Variants in LRRK2 observed in about 807,000 individuals in gnomAD.
LRRK2 encodes leucine-rich repeat serine/threonine-protein kinase 2.
In LRRK2, 203 loss-of-function variants were observed where a neutral mutation model predicts 302.6. The ratio of observed to expected loss-of-function variants is 0.67; its 90% CI spans 0.60 to 0.75. The LOEUF is 0.75. Among genes scored for constraint, LRRK2 ranks in the 30% least tolerant of loss-of-function variants. The probability of loss-of-function intolerance (pLI) is 0.00; values close to 1 mark genes in which losing one functional copy is unlikely to be tolerated. For missense variants in LRRK2, 2,830 were observed against 2,951.0 expected (o/e 0.96, Z 0.95); for synonymous variants, 1,066 against 1,031.9 (o/e 1.03, Z -0.63).
chr12:40,291,238 T>C (rs908542980), intron 20 of LRRK2, among the ~76,000 whole-genome samples: 1 of 151,020 alleles, frequency 6.6e-6, no homozygotes, highest in Non-Finnish European at 1.5e-5. Flanking sequence ...ATGAGAACAC[T>C]TGGACACAGG....
intron 10 of LRRK2, among the ~76,000 whole-genome samples, chr12:40,252,300 A>T (rs1256463819): frequency 3.3e-5 from 5 of 152,182 alleles, no homozygotes; most frequent in African/African-American, 1.2e-4. Flanking sequence ...TCTATTGCTG[A>T]TAAGAAGGGA....
chr12:40,289,731 T>G (rs756468283), intron 20 of LRRK2, among the ~76,000 whole-genome samples: 36 of 151,724 alleles, frequency 2.4e-4, no homozygotes, highest in Admixed American at 1.1e-3. Context: ...TAATTTCCAG[T>G]AGTTCACTGT....
At chr12:40,247,147 C>A (rs1430519439) in intron 7 of LRRK2, among the ~76,000 whole-genome samples, 1 of 152,038 alleles carries the variant, frequency 6.6e-6, no homozygotes, top group East Asian at 1.9e-4. Context: ...TCCATTGTAG[C>A]AACTTGTATT....
At chr12:40,249,732 C>A (rs768915971) in intron 7 of LRRK2, 94 bp from the exon 8 acceptor site, 9 of 1,358,886 alleles carry the variant, frequency 6.6e-6, no homozygotes, top group Non-Finnish European at 9.4e-6. Flanking sequence ...ATATTCATCA[C>A]CATTCAAAAT....
intron 2 of LRRK2, 94 bp downstream of exon 2, chr12:40,225,734 A>T (rs1400357880): frequency 8.6e-7 from 1 of 1,165,842 alleles, no homozygotes; most frequent in Non-Finnish European, 1.3e-6. Context: ...GTTCTTGGTT[A>T]TTCCCAAAAT....
intron 11 of LRRK2, among the ~76,000 whole-genome samples, chr12:40,254,264 G>GA (rs1197524391): frequency 6.6e-6 from 1 of 151,738 alleles, no homozygotes; most frequent in Non-Finnish European, 1.5e-5. Context: ...GGGTAGGGTG[G>GA]AAAAAAAATA....
intron 25 of LRRK2, among the ~76,000 whole-genome samples, chr12:40,299,729 G>C (rs761125891): frequency 1.3e-5 from 2 of 152,114 alleles, no homozygotes; most frequent in African/African-American, 2.4e-5. Flanking sequence ...GTAAACTATG[G>C]ACTTTGAGTG....
At chr12:40,278,462 T>G (rs757564599) in intron 18 of LRRK2, among the ~76,000 whole-genome samples, 1 of 152,234 alleles carries the variant, frequency 6.6e-6, no homozygotes, top group African/African-American at 2.4e-5. Flanking sequence ...CAGTCTAATC[T>G]TTCATTTCAT....
chr12:40,274,778 G>T (rs1275067477), intron 15 of LRRK2, 51 bp downstream of exon 15: 3 of 1,611,126 alleles, frequency 1.9e-6, no homozygotes, highest in Non-Finnish European at 2.5e-6. Flanking sequence ...TAGGGCATTA[G>T]CTGGTGACTG....
At chr12:40,258,108 A>G (rs1183443585) in intron 12 of LRRK2, among the ~76,000 whole-genome samples, 1 of 152,154 alleles carries the variant, frequency 6.6e-6, no homozygotes, top group Non-Finnish European at 1.5e-5. Flanking sequence ...GATAATAACA[A>G]CTTTGAAAGT....
chr12:40,292,297 G>T (rs901157634), intron 20 of LRRK2, among the ~76,000 whole-genome samples: 2 of 151,972 alleles, frequency 1.3e-5, no homozygotes, highest in Non-Finnish European at 2.9e-5. Context: ...TCTGTATCCA[G>T]TCATTTAATA....
intron 41 of LRRK2, 141 bp from the exon 42 acceptor site, chr12:40,346,612 C>T: frequency 1.3e-6 from 1 of 762,186 alleles, no homozygotes. Context: ...GATCAAGGTA[C>T]CTTGTTATAA....
At chr12:40,354,569 A>G in intron 45 of LRRK2, 77 bp downstream of exon 45, 2 of 1,273,570 alleles carry the variant, frequency 1.6e-6, no homozygotes, top group Non-Finnish European at 2.3e-6. Context: ...TTGTTATTGC[A>G]TCAGCAAAGA....
At position 40,322,493 on chromosome 12, in the gene LRRK2, T is replaced by TG. The variant is rs1260667592; in HGVS notation, c.5493dup (p.Lys1832GlufsTer27). ...CAAAAAATCTTACTTGATGACTTGA[T>TG]GAAGAAAGCAGAGGAAGGTATGTTT... On this transcript the variant is annotated frameshift_variant, in exon 37 of 51. Coordinates refer to ENST00000298910, the MANE Select transcript of LRRK2 (RefSeq NM_198578.4). LOFTEE classifies it high-confidence loss of function. 1.9e-6 allele frequency: 3 copies of TG among 1,613,024 alleles called. No individual in the cohort carries two copies. The highest frequency in any genetic ancestry group is 1.3e-5 in the African/African-American group (1 of 74,884).
chr12:40,348,095 A>C (rs192617888), intron 42 of LRRK2, among the ~76,000 whole-genome samples: 2 of 152,228 alleles, frequency 1.3e-5, no homozygotes, highest in East Asian at 1.9e-4. Flanking sequence ...TAAAAAGTAG[A>C]AGCTTTATTA....
At chr12:40,288,804 A>G (rs1412854873) in intron 20 of LRRK2, among the ~76,000 whole-genome samples, 1 of 151,856 alleles carries the variant, frequency 6.6e-6, no homozygotes, top group East Asian at 1.9e-4. Flanking sequence ...TGTATATTCT[A>G]GATAGAAGTT....
At chr12:40,360,498 C>T (rs1346812359) in intron 47 of LRRK2, among the ~76,000 whole-genome samples, 2 of 152,048 alleles carry the variant, frequency 1.3e-5, no homozygotes, top group East Asian at 1.9e-4. Context: ...GGCCAGACTG[C>T]CATCCATTAT....
intron 25 of LRRK2, 138 bp from the exon 26 acceptor site, chr12:40,302,651 A>T: frequency 2.9e-6 from 2 of 679,682 alleles, no homozygotes; most frequent in South Asian, 1.7e-5. Flanking sequence ...TATTTTTAAA[A>T]GTGGATTTTT....
chr12:40,351,493 G>C, intron 43 of LRRK2, 46 bp from the exon 44 acceptor site: 1 of 1,579,690 alleles, frequency 6.3e-7, no homozygotes, highest in Non-Finnish European at 8.7e-7. Flanking sequence ...CAAGGGAAAT[G>C]AGTTAACTCG....
Sources: gnomAD v4.1 joint callset for allele counts (sites outside exome capture counted in the v4.1 genomes callset) on GRCh38, gnomAD v4.1.1 for gene constraint, MANE v1.5 for transcripts, NCBI Gene and HGNC (gene_info 2026-07-23, HGNC 2026-07-21) for gene names.